The following NCAM2 variants were observed in gnomAD, a reference collection of about 807,000 sequenced individuals.
NCAM2 encodes the protein N-CAM-2.
In NCAM2, 30 loss-of-function variants were observed where a neutral mutation model predicts 98.1. The observed-to-expected ratio is 0.31, with a 90% CI of 0.23 to 0.41. The LOEUF (loss-of-function observed/expected upper bound fraction) is 0.41, where lower values mean the gene tolerates loss of function less well. Ranked by LOEUF, NCAM2 falls within the 10% of genes least tolerant of loss-of-function variation. The pLI, the probability that NCAM2 is intolerant of heterozygous loss-of-function variation, is 1.00. For synonymous variants in NCAM2, 368 were observed against 342.4 expected, an observed-to-expected ratio of 1.07 and a Z score of -0.83; for missense variants, 867 against 1,005.8, an observed-to-expected ratio of 0.86 and a Z score of 1.87.
chr21:21,037,894 A>T (rs1170935753), intron 1 of NCAM2, among the ~76,000 whole-genome samples: 1 of 152,210 alleles, frequency 6.6e-6, no homozygotes, highest in African/African-American at 2.4e-5. Flanking sequence ...GTTGAAGCAG[A>T]ACATTCTCTA....
chr21:21,249,640 C>T (rs779586866), intron 1 of NCAM2, among the ~76,000 whole-genome samples: 1 of 152,040 alleles, frequency 6.6e-6, no homozygotes, highest in African/African-American at 2.4e-5. Context: ...GAATCTAGTA[C>T]TTTCTTTAGC....
chr21:21,507,460 C>T (rs962944220), intron 15 of NCAM2, among the ~76,000 whole-genome samples: 17 of 152,014 alleles, frequency 1.1e-4, no homozygotes, highest in African/African-American at 4.1e-4. Flanking sequence ...TTTGAACATG[C>T]AGTTATTATG....
At chr21:21,352,570 G>C (rs558720075) in intron 8 of NCAM2, among the ~76,000 whole-genome samples, 1 of 151,894 alleles carries the variant, frequency 6.6e-6, no homozygotes, top group South Asian at 2.1e-4. Flanking sequence ...CTTGCTTTTG[G>C]TGTGTCATTG....
chr21:21,403,816 TTAA>T (rs1487582248), intron 9 of NCAM2, among the ~76,000 whole-genome samples: 1 of 152,170 alleles, frequency 6.6e-6, no homozygotes, highest in Non-Finnish European at 1.5e-5. Context: ...AAATAAAATG[TTAA>T]TTATTCACCA....
chr21:21,460,615 G>T (rs1315985622), intron 12 of NCAM2, among the ~76,000 whole-genome samples: 2 of 151,862 alleles, frequency 1.3e-5, no homozygotes, highest in Non-Finnish European at 2.9e-5. Flanking sequence ...GTTTCATTTG[G>T]TATAATTTTT....
chr21:21,327,852 G>A (rs1227399757), intron 6 of NCAM2, among the ~76,000 whole-genome samples: 2 of 152,058 alleles, frequency 1.3e-5, no homozygotes, highest in East Asian at 1.9e-4. Flanking sequence ...GACCATAATA[G>A]GGGAATTATA....
chr21:21,123,848 CTTTTT>C (rs71193401), intron 1 of NCAM2, among the ~76,000 whole-genome samples: 5 of 86,658 alleles, frequency 5.8e-5, no homozygotes, highest in Non-Finnish European at 1.0e-4. Context: ...TTCTTGATTG[CTTTTT>C]TTTTTTTTTT....
intron 6 of NCAM2, among the ~76,000 whole-genome samples, chr21:21,330,264 T>C (rs2074635066): frequency 6.6e-6 from 1 of 152,142 alleles, no homozygotes; most frequent in South Asian, 2.1e-4. Context: ...TCATTTATTC[T>C]AATACAAGCA....
chr21:21,132,329 A>G (rs1362912238), intron 1 of NCAM2, among the ~76,000 whole-genome samples: 2 of 152,052 alleles, frequency 1.3e-5, no homozygotes, highest in Admixed American at 6.6e-5. Flanking sequence ...TAGTGCCACT[A>G]GGATAATTCA....
At chr21:21,257,563 A>G (rs1208449370) in intron 1 of NCAM2, among the ~76,000 whole-genome samples, 3 of 152,196 alleles carry the variant, frequency 2.0e-5, no homozygotes, top group African/African-American at 7.2e-5. Context: ...CATGTACAAG[A>G]AAGACCATGC....
chr21:21,398,920 G>T (rs57728792), intron 9 of NCAM2, among the ~76,000 whole-genome samples: 5,153 of 152,246 alleles, frequency 0.034, 317 homozygotes, highest in African/African-American at 0.12. Flanking sequence ...GGAAAAGCAG[G>T]TTTATTCTGA....
intron 9 of NCAM2, among the ~76,000 whole-genome samples, chr21:21,396,756 A>T (rs115266310): frequency 1.3e-5 from 2 of 152,154 alleles, no homozygotes; most frequent in Non-Finnish European, 2.9e-5. Flanking sequence ...GACCAGGGGA[A>T]TGCAGTGGTG....
At chr21:21,153,644 T>C (rs2067516407) in intron 1 of NCAM2, among the ~76,000 whole-genome samples, 1 of 151,854 alleles carries the variant, frequency 6.6e-6, no homozygotes. Context: ...ATTTTAGTCA[T>C]GGTGGGGGGT....
chr21:21,518,175 A>G (rs2146380527), intron 16 of NCAM2, among the ~76,000 whole-genome samples: 1 of 152,300 alleles, frequency 6.6e-6, no homozygotes, highest in Non-Finnish European at 1.5e-5. Context: ...CTTCCTAGCT[A>G]CATTTTTTTT....
chr21:21,346,045 A>G (rs1211335384), intron 8 of NCAM2, among the ~76,000 whole-genome samples: 1 of 152,110 alleles, frequency 6.6e-6, no homozygotes, highest in Non-Finnish European at 1.5e-5. Context: ...TAACTTATGA[A>G]TAATAACATT....
rs371294654 is a variant in NCAM2 at position 21,136,877 on chromosome 21, T to C, written c.55+138259T>C. Among the ~76,000 whole-genome samples, 13 of 148,542 alleles carry C rather than the reference T, an allele frequency of 8.8e-5. 1 individual carries two copies. The highest frequency in any genetic ancestry group is 2.2e-4 in the African/African-American group (9 of 40,228). The stretch of plus-strand genomic sequence containing the variant: ...AAACAACTGTTCCTCAAAAGAAATT[T>C]TGAATGTTAATAGTAAATAATTGAT... On this transcript the variant is annotated intron_variant, in intron 1 of 17. Coordinates refer to ENST00000400546, the MANE Select transcript of NCAM2 (RefSeq NM_004540.5).
At position 21,508,962 on chromosome 21, in the gene NCAM2, G is replaced by T. The variant is rs1988181666; in HGVS notation, c.2189G>T (p.Gly730Val). 1 of 1,613,138 alleles carries T rather than the reference G, an allele frequency of 6.2e-7. No individual in the cohort carries two copies. The highest frequency in any genetic ancestry group is 8.5e-7 in the Non-Finnish European group (1 of 1,179,702). Residue 730 changes from glycine to valine, a missense_variant, in exon 16 of 18, where the codon GGG becomes GTG. This residue lies in a region of NCAM2 where 234 missense variants were observed against 333.8 expected (regional missense o/e 0.70). Coordinates refer to ENST00000400546, the MANE Select transcript of NCAM2 (RefSeq NM_004540.5). ...DVSCFFIRQC[G>V]LLMCITRRMC... is the part of the protein sequence containing the mutation. ...AGCTGCTTCTTTATTCGGCAATGTG[G>T]GTTGCTGATGTGCATCACTAGGAGA...
chr21:21,169,096 A>T (rs1439576617), intron 1 of NCAM2, among the ~76,000 whole-genome samples: 1 of 152,158 alleles, frequency 6.6e-6, no homozygotes, highest in Non-Finnish European at 1.5e-5. Flanking sequence ...ACACAAATAG[A>T]TCAATGAAAC....
intron 1 of NCAM2, among the ~76,000 whole-genome samples, chr21:21,271,338 G>A (rs764770200): frequency 3.3e-5 from 5 of 152,116 alleles, no homozygotes; most frequent in African/African-American, 9.7e-5. Flanking sequence ...TTCCAAGAGC[G>A]TATCATCCAG....
Sources: allele counts gnomAD v4.1 joint callset (sites outside exome capture counted in the v4.1 genomes callset), GRCh38; gene constraint gnomAD v4.1.1; regional missense constraint gnomAD v4.1.1; transcripts MANE v1.5; gene names NCBI Gene and HGNC (gene_info 2026-07-23, HGNC 2026-07-21).